HS3ST3A1: variants seen among roughly 807,000 people sequenced by gnomAD.
The protein encoded by HS3ST3A1 is heparan sulfate glucosamine 3-O-sulfotransferase 3A1.
In HS3ST3A1, 19 loss-of-function variants were observed where a neutral mutation model predicts 25.7. The ratio of observed to expected loss-of-function variants is 0.74; its 90% CI spans 0.52 to 1.08. The LOEUF (loss-of-function observed/expected upper bound fraction) is 1.08. Ranked by LOEUF, HS3ST3A1 falls within the 50% of genes least tolerant of loss-of-function variation. HS3ST3A1 has a pLI of 0.00. For missense variants in HS3ST3A1, 459 were observed against 594.3 expected (o/e 0.77, Z 2.37); for synonymous variants, 226 against 278.6 (o/e 0.81, Z 1.88).
intron 1 of HS3ST3A1, among the ~76,000 whole-genome samples, chr17:13,585,840 GTTTTTTTTTTT>G (rs1207776880): frequency 9.7e-5 from 6 of 62,024 alleles, no homozygotes; most frequent in South Asian, 1.5e-3. Context: ...CTCCTTCTGC[GTTTTTTTTTTT>G]TTTTTTTTTT....
In HS3ST3A1 at chr17:13,600,955, C is replaced by A. The variant is rs748966166; in HGVS notation, c.175G>T (p.Gly59Cys). The A allele has an allele frequency of 3.2e-6, 5 of 1,540,716 alleles. No homozygotes were observed. The South Asian group carries it at 3.6e-5, about 11-fold the overall frequency. ...LSGPVVGLSG[G>C]GEEAGAPGGG... ...CCAGGGGCCCCCGCCTCCTCGCCGC[C>A]GCCGGACAGCCCCACGACGGGGCCG... Residue 59 changes from glycine to cysteine, a missense_variant, in exon 1 of 2, where the codon GGC becomes TGC. By Grantham distance (159) the Gly-to-Cys change is radical (BLOSUM62 -3). Around this residue, in one of 3 missense-constraint regions of HS3ST3A1, gnomAD observed 346 missense variants for 303.9 expected, o/e 1.14. Transcript: ENST00000284110.
At chr17:13,567,644 T>C (rs1024425134) in intron 1 of HS3ST3A1, among the ~76,000 whole-genome samples, 1 of 152,180 alleles carries the variant, frequency 6.6e-6, no homozygotes, top group African/African-American at 2.4e-5. Flanking sequence ...CCAACCCTCA[T>C]GGATGACTTT....
At chr17:13,501,071 G>A (rs1905458393) in intron 1 of HS3ST3A1, among the ~76,000 whole-genome samples, 1 of 152,192 alleles carries the variant, frequency 6.6e-6, no homozygotes, top group African/African-American at 2.4e-5. Context: ...AATTCATTGA[G>A]ACAGCAAGTA....
At chr17:13,571,430 G>A (rs4588021) in intron 1 of HS3ST3A1, among the ~76,000 whole-genome samples, 6,959 of 152,184 alleles carry the variant, frequency 0.046, 379 homozygotes, top group East Asian at 0.12. Flanking sequence ...AGTGCTCTAC[G>A]CTTTGACGAC....
chr17:13,504,287 A>G (rs899571263), intron 1 of HS3ST3A1, among the ~76,000 whole-genome samples: 37 of 150,798 alleles, frequency 2.5e-4, no homozygotes, highest in African/African-American at 9.0e-4. Context: ...ACTGCACTCC[A>G]GTCTGGGCGA....
At chr17:13,574,853 A>T (rs978186516) in intron 1 of HS3ST3A1, among the ~76,000 whole-genome samples, 1 of 152,092 alleles carries the variant, frequency 6.6e-6, no homozygotes, top group Non-Finnish European at 1.5e-5. Context: ...AAAACACTAA[A>T]ACTGATGTCC....
At chr17:13,560,077 G>T (rs1327527602) in intron 1 of HS3ST3A1, among the ~76,000 whole-genome samples, 1 of 151,346 alleles carries the variant, frequency 6.6e-6, no homozygotes, top group Non-Finnish European at 1.5e-5. Flanking sequence ...ATCACCTGAG[G>T]TCAGGAGTTC....
intron 1 of HS3ST3A1, among the ~76,000 whole-genome samples, chr17:13,547,785 C>G (rs1907127362): frequency 6.6e-6 from 1 of 152,094 alleles, no homozygotes; most frequent in Admixed American, 6.5e-5. Flanking sequence ...AGGCCTGGGA[C>G]TTGGGATTAG....
chr17:13,555,084 G>A (rs769625860), intron 1 of HS3ST3A1, among the ~76,000 whole-genome samples: 7 of 151,934 alleles, frequency 4.6e-5, no homozygotes, highest in African/African-American at 9.7e-5. Flanking sequence ...TACCTACCTC[G>A]TCGGTGTTCT....
chr17:13,595,872 TTGTTGA>T (rs1475435150), intron 1 of HS3ST3A1, among the ~76,000 whole-genome samples: 14 of 148,722 alleles, frequency 9.4e-5, no homozygotes, highest in Non-Finnish European at 1.9e-4. Flanking sequence ...GTTGTTGTTG[TTGTTGA>T]TATCAGAGAG....
chr17:13,506,541 A>C (rs1055889914), intron 1 of HS3ST3A1, among the ~76,000 whole-genome samples: 1 of 152,228 alleles, frequency 6.6e-6, no homozygotes, highest in Non-Finnish European at 1.5e-5. Flanking sequence ...TTTCAAAATC[A>C]ATGAGATCTG....
chr17:13,560,392 G>A (rs576019887), intron 1 of HS3ST3A1, among the ~76,000 whole-genome samples: 1 of 144,872 alleles, frequency 6.9e-6, no homozygotes, highest in Admixed American at 7.2e-5. Flanking sequence ...CTCTGTGTGT[G>A]TGTAACTCTA....
chr17:13,540,663 C>A (rs1199583519), intron 1 of HS3ST3A1, among the ~76,000 whole-genome samples: 1 of 152,194 alleles, frequency 6.6e-6, no homozygotes, highest in African/African-American at 2.4e-5. Flanking sequence ...GTGTGACTTA[C>A]CACTTAATGA....
chr17:13,556,688 C>T (rs1282318840), intron 1 of HS3ST3A1, among the ~76,000 whole-genome samples: 1 of 151,428 alleles, frequency 6.6e-6, no homozygotes, highest in Non-Finnish European at 1.5e-5. Flanking sequence ...CCTGTCTCTA[C>T]TAAAAATACA....
intron 1 of HS3ST3A1, among the ~76,000 whole-genome samples, chr17:13,507,002 G>C: frequency 6.6e-6 from 1 of 150,722 alleles, no homozygotes; most frequent in East Asian, 2.0e-4. Context: ...CCGGGAGGCA[G>C]AGGTTGCAGT....
At chr17:13,497,357 C>G (rs1598405124) in intron 1 of HS3ST3A1, among the ~76,000 whole-genome samples, 1 of 152,142 alleles carries the variant, frequency 6.6e-6, no homozygotes, top group African/African-American at 2.4e-5. Flanking sequence ...ATTAAAGAAT[C>G]CATCTTTTGC....
intron 1 of HS3ST3A1, among the ~76,000 whole-genome samples, chr17:13,578,599 T>G (rs978139721): frequency 6.7e-6 from 1 of 148,894 alleles, no homozygotes; most frequent in Non-Finnish European, 1.5e-5. Context: ...GTTTCCACAG[T>G]GGTGTCTGAA....
chr17:13,581,302 A>T (rs1437080381), intron 1 of HS3ST3A1, among the ~76,000 whole-genome samples: 1 of 152,076 alleles, frequency 6.6e-6, no homozygotes, highest in Non-Finnish European at 1.5e-5. Flanking sequence ...CTCTGTCTGT[A>T]CTAAAAATAC....
intron 1 of HS3ST3A1, among the ~76,000 whole-genome samples, chr17:13,505,803 A>C (rs1905646147): frequency 6.6e-6 from 1 of 152,112 alleles, no homozygotes; most frequent in African/African-American, 2.4e-5. Context: ...ATGTGGGCAG[A>C]TCACCAGGTC....
Sources: gnomAD v4.1 joint callset for allele counts (sites outside exome capture counted in the v4.1 genomes callset) on GRCh38, gnomAD v4.1.1 for gene constraint, gnomAD v4.1.1 regional missense constraint, MANE v1.5 for transcripts, NCBI Gene and HGNC (gene_info 2026-07-23, HGNC 2026-07-21) for gene names.